Variants in TMC1 observed in about 807,000 individuals in gnomAD.
TMC1 encodes transmembrane channel-like protein 1.
TMC1 carries 84 observed loss-of-function variants against 105.8 expected under a neutral mutation model. The observed-to-expected ratio is 0.79, with a 90% CI of 0.67 to 0.95. The LOEUF is 0.95. Among genes scored for constraint, TMC1 ranks in the 40% least tolerant of loss-of-function variants. The probability of loss-of-function intolerance (pLI) is 0.00; values close to 1 mark genes in which losing one functional copy is unlikely to be tolerated. For synonymous variants in TMC1, 315 were observed against 311.5 expected, an observed-to-expected ratio of 1.01 and a Z score of -0.12; for missense variants, 817 against 914.1, an observed-to-expected ratio of 0.89 and a Z score of 1.37.
chr9:72,753,286 C>CT (rs5898269), intron 11 of TMC1, among the ~76,000 whole-genome samples: 7,476 of 81,690 alleles, frequency 0.092, 423 homozygotes, highest in Non-Finnish European at 0.12. Flanking sequence ...TTAACCCCAG[C>CT]TTTTTTTTTT....
chr9:72,535,296 A>G (rs921635319), intron 1 of TMC1, among the ~76,000 whole-genome samples: 2 of 152,240 alleles, frequency 1.3e-5, no homozygotes, highest in Non-Finnish European at 1.5e-5. Context: ...CAGAGCTGCT[A>G]GAAGTCATCC....
intron 1 of TMC1, among the ~76,000 whole-genome samples, chr9:72,567,469 G>C (rs1416275830): frequency 6.6e-6 from 1 of 152,206 alleles, no homozygotes; most frequent in African/African-American, 2.4e-5. Flanking sequence ...AAGAAAAGAG[G>C]TTTAAATGAT....
intron 8 of TMC1, among the ~76,000 whole-genome samples, chr9:72,709,029 G>C (rs1448354540): frequency 2.0e-5 from 3 of 151,634 alleles, no homozygotes; most frequent in Non-Finnish European, 2.9e-5. Flanking sequence ...GGGTGTTTAA[G>C]AGCAGAAAGT....
intron 4 of TMC1, among the ~76,000 whole-genome samples, chr9:72,638,538 C>T (rs1825572150): frequency 6.6e-6 from 1 of 152,192 alleles, no homozygotes; most frequent in Non-Finnish European, 1.5e-5. Flanking sequence ...TTTGACCACA[C>T]CTCTTTTTGA....
At chr9:72,795,717 C>T (rs1828352896) in intron 17 of TMC1, among the ~76,000 whole-genome samples, 1 of 152,062 alleles carries the variant, frequency 6.6e-6, no homozygotes, top group Non-Finnish European at 1.5e-5. Context: ...AGACCAGTGA[C>T]ACTGTAAAGC....
At chr9:72,735,936 T>G (rs1827290737) in intron 8 of TMC1, among the ~76,000 whole-genome samples, 1 of 152,190 alleles carries the variant, frequency 6.6e-6, no homozygotes, top group South Asian at 2.1e-4. Flanking sequence ...TTCAGTGGGC[T>G]ATGGGGAGCA....
At chr9:72,610,146 A>G (rs1201216011) in intron 2 of TMC1, among the ~76,000 whole-genome samples, 1 of 152,164 alleles carries the variant, frequency 6.6e-6, no homozygotes, top group East Asian at 1.9e-4. Context: ...TATAAATTTC[A>G]TTTTGTATTT....
intron 20 of TMC1, among the ~76,000 whole-genome samples, chr9:72,823,098 T>A (rs1419557723): frequency 1.3e-5 from 2 of 152,172 alleles, no homozygotes; most frequent in Non-Finnish European, 2.9e-5. Flanking sequence ...AGTCAGTTCT[T>A]TAGGGTGATT....
chr9:72,831,449 T>A (rs185735694), intron 23 of TMC1, among the ~76,000 whole-genome samples: 54 of 152,044 alleles, frequency 3.6e-4, no homozygotes, highest in African/African-American at 1.0e-3. Flanking sequence ...ATATATTTTT[T>A]AATTATACTT....
chr9:72,683,442 G>A (rs967348486), intron 5 of TMC1, among the ~76,000 whole-genome samples: 2 of 151,642 alleles, frequency 1.3e-5, no homozygotes, highest in African/African-American at 4.8e-5. Context: ...GCAACTGAAT[G>A]ACCTTATACC....
At chr9:72,706,272 T>C (rs1283079790) in intron 8 of TMC1, among the ~76,000 whole-genome samples, 1 of 152,194 alleles carries the variant, frequency 6.6e-6, no homozygotes, top group Non-Finnish European at 1.5e-5. Flanking sequence ...TATACTTTAG[T>C]TTTTCTCTCA....
At chr9:72,750,499 A>T (rs1827565318) in intron 10 of TMC1, among the ~76,000 whole-genome samples, 1 of 152,088 alleles carries the variant, frequency 6.6e-6, no homozygotes, top group African/African-American at 2.4e-5. Context: ...CCTAAGACTT[A>T]ACCTCTTCAT....
intron 13 of TMC1, among the ~76,000 whole-genome samples, chr9:72,778,242 A>G (rs771313707): frequency 6.6e-6 from 1 of 152,194 alleles, no homozygotes; most frequent in Non-Finnish European, 1.5e-5. Context: ...GCTTCTCCCA[A>G]TGAGAAACCA....
At chr9:72,713,049 T>C (rs1266741009) in intron 8 of TMC1, among the ~76,000 whole-genome samples, 1 of 152,236 alleles carries the variant, frequency 6.6e-6, no homozygotes, top group Non-Finnish European at 1.5e-5. Context: ...TTTTTGTGAT[T>C]GGTTCTGTTT....
intron 18 of TMC1, among the ~76,000 whole-genome samples, chr9:72,806,356 C>T (rs1446176283): frequency 1.5e-5 from 2 of 137,900 alleles, no homozygotes; most frequent in African/African-American, 5.5e-5. Context: ...GGGGCTGACC[C>T]CCCCACCTCC....
intron 12 of TMC1, among the ~76,000 whole-genome samples, chr9:72,760,976 A>G (rs559647086): frequency 1.3e-5 from 2 of 152,164 alleles, no homozygotes; most frequent in African/African-American, 2.4e-5. Context: ...CATACACAAC[A>G]TGCATGATCA....
At chr9:72,686,214 A>G (rs192515951) in intron 5 of TMC1, among the ~76,000 whole-genome samples, 19 of 152,182 alleles carry the variant, frequency 1.2e-4, no homozygotes, top group Non-Finnish European at 2.6e-4. Flanking sequence ...CTATCCTCCC[A>G]TCACTCTCCA....
chr9:72,539,230 A>T (rs1823636707), intron 1 of TMC1, among the ~76,000 whole-genome samples: 1 of 148,118 alleles, frequency 6.8e-6, no homozygotes. Flanking sequence ...AAAAAATACA[A>T]AAAAAAAACA....
At chr9:72,666,867 T>C (rs1295666919) in intron 5 of TMC1, among the ~76,000 whole-genome samples, 1 of 150,416 alleles carries the variant, frequency 6.6e-6, no homozygotes, top group African/African-American at 2.5e-5. Context: ...CTGGGCAGCA[T>C]AGGGAAATCC....
Sources: gnomAD v4.1 joint callset for allele counts (sites outside exome capture counted in the v4.1 genomes callset) on GRCh38, gnomAD v4.1.1 for gene constraint, MANE v1.5 for transcripts, NCBI Gene and HGNC (gene_info 2026-07-23, HGNC 2026-07-21) for gene names.